The following AUTS2 variants were observed in gnomAD, a reference collection of about 807,000 sequenced individuals.
AUTS2 encodes autism susceptibility gene 2 protein.
Under a neutral mutation model 112.4 loss-of-function variants are expected in AUTS2, and 17 were observed. The ratio of observed to expected loss-of-function variants is 0.15; its 90% confidence interval spans 0.10 to 0.23. The LOEUF (loss-of-function observed/expected upper bound fraction) is 0.23. Among genes scored for constraint, AUTS2 ranks in the 10% least tolerant of loss-of-function variants. The pLI, the probability that AUTS2 is intolerant of heterozygous loss-of-function variation, is 1.00. For missense variants in AUTS2, 1,510 were observed against 1,701.6 expected, an observed-to-expected ratio of 0.89 and a Z score of 1.98; for synonymous variants, 751 against 702.7, an observed-to-expected ratio of 1.07 and a Z score of -1.09.
chr7:70,188,494 A>G (rs529997083), intron 4 of AUTS2, among the ~76,000 whole-genome samples: 2 of 152,334 alleles, frequency 1.3e-5, no homozygotes, highest in East Asian at 3.9e-4. Flanking sequence ...GATGGTCTTT[A>G]GTCAGTGGAA....
intron 6 of AUTS2, among the ~76,000 whole-genome samples, chr7:70,714,931 G>C (rs1317729501): frequency 6.6e-6 from 1 of 152,198 alleles, no homozygotes; most frequent in Non-Finnish European, 1.5e-5. Flanking sequence ...CCTGATACTT[G>C]CATTGGCATG....
intron 4 of AUTS2, among the ~76,000 whole-genome samples, chr7:70,252,403 G>C (rs547810129): frequency 4.6e-5 from 7 of 152,196 alleles, no homozygotes; most frequent in African/African-American, 1.7e-4. Flanking sequence ...GCCTTCTTTG[G>C]AGAAGTATCT....
chr7:70,123,411 G>C (rs1163860556), intron 3 of AUTS2, among the ~76,000 whole-genome samples: 1 of 152,028 alleles, frequency 6.6e-6, no homozygotes, highest in Non-Finnish European at 1.5e-5. Flanking sequence ...TCACCCAGTA[G>C]TACCCAATAG....
At chr7:70,526,317 T>G (rs1350240277) in intron 5 of AUTS2, among the ~76,000 whole-genome samples, 1 of 152,212 alleles carries the variant, frequency 6.6e-6, no homozygotes, top group Non-Finnish European at 1.5e-5. Flanking sequence ...TTATTCTTCC[T>G]GAAGAGTCCT....
chr7:70,790,915 T>A lies in AUTS2; in HGVS notation c.3699T>A (p.Ser1233=), dbSNP rs749831311. Residue 1233 remains serine, a synonymous_variant, in exon 19 of 19, where the codon TCT becomes TCA. Transcript: ENST00000342771. This position sits in a 1 kb window ranked among gnomAD's most constrained non-coding sequence, Gnocchi z 7.6. ...LISTLGGRPV[S]PRRTTPLSAE... ...CCACGCTGGGGGGCCGCCCGGTCTC[T>A]CCCAGAAGGACGACTCCTCTGTCCG... is the stretch of plus-strand genomic sequence containing the variant. The A allele has an allele frequency of 1.3e-6, 2 of 1,574,870 alleles. No homozygotes were observed. The highest frequency in any genetic ancestry group is 2.4e-5 in the South Asian group (2 of 83,786).
chr7:69,663,724 G>A (rs903736920), intron 1 of AUTS2, among the ~76,000 whole-genome samples: 2 of 152,168 alleles, frequency 1.3e-5, no homozygotes, highest in African/African-American at 4.8e-5. Context: ...AGCTTAGTAT[G>A]CTTTCTGTGG....
intron 1 of AUTS2, among the ~76,000 whole-genome samples, chr7:69,727,292 GA>G (rs1005624989): frequency 3.3e-5 from 5 of 152,254 alleles, no homozygotes; most frequent in African/African-American, 4.8e-5. Context: ...CACCTCCGTT[GA>G]AAATCAGTTG....
intron 1 of AUTS2, among the ~76,000 whole-genome samples, chr7:69,641,879 G>A (rs1280488409): frequency 6.6e-6 from 1 of 152,202 alleles, no homozygotes; most frequent in Non-Finnish European, 1.5e-5. Context: ...GAAGCCCAAG[G>A]TCAGGATATT....
intron 4 of AUTS2, among the ~76,000 whole-genome samples, chr7:70,356,150 C>T (rs1045318596): frequency 3.9e-5 from 6 of 152,204 alleles, no homozygotes; most frequent in Non-Finnish European, 7.3e-5. Flanking sequence ...TCCTCTGGGA[C>T]CCTGCTACAG....
At chr7:70,440,285 A>G (rs1198489973) in intron 5 of AUTS2, among the ~76,000 whole-genome samples, 1 of 151,578 alleles carries the variant, frequency 6.6e-6, no homozygotes, top group South Asian at 2.1e-4. Context: ...GCATGTGCCT[A>G]TAGTCCCAGC....
intron 1 of AUTS2, among the ~76,000 whole-genome samples, chr7:69,839,629 A>G (rs1248486958): frequency 6.6e-6 from 1 of 152,118 alleles, no homozygotes; most frequent in African/African-American, 2.4e-5. Context: ...AAAACCCAAG[A>G]TCTCCCCCCA....
chr7:69,693,959 A>G (rs1797451365), intron 1 of AUTS2, among the ~76,000 whole-genome samples: 1 of 152,182 alleles, frequency 6.6e-6, no homozygotes, highest in South Asian at 2.1e-4. Flanking sequence ...GGGAACCACT[A>G]CTGTGGTCTT....
intron 6 of AUTS2, among the ~76,000 whole-genome samples, chr7:70,702,415 G>C (rs560907999): frequency 6.6e-6 from 1 of 152,212 alleles, no homozygotes; most frequent in Non-Finnish European, 1.5e-5. Context: ...GACAAGTCAA[G>C]ACAACTCATA....
At chr7:70,358,217 G>A (rs892042328) in intron 4 of AUTS2, among the ~76,000 whole-genome samples, 1 of 152,170 alleles carries the variant, frequency 6.6e-6, no homozygotes, top group Admixed American at 6.5e-5. Context: ...CTTTTCTCTT[G>A]TTGATCTAGA....
rs182005358 is a variant in AUTS2, at chr7:70,085,091, G to T, written c.523-33041G>T. Among the ~76,000 whole-genome samples, 17 of 152,220 alleles carry T rather than the reference G, an allele frequency of 1.1e-4. No homozygotes were observed. The East Asian group carries it at 3.3e-3, about 29-fold the overall frequency. On this transcript the variant is annotated intron_variant, in intron 2 of 18. Coordinates refer to ENST00000342771, the MANE Select transcript of AUTS2 (RefSeq NM_015570.4). ...AGGGTTTCACCGTGTTGCCGTGGCT[G>T]TTCTCGAACTTCTGAGCTCAATCAA...
At chr7:70,501,849 C>A (rs1294689032) in intron 5 of AUTS2, among the ~76,000 whole-genome samples, 1 of 152,134 alleles carries the variant, frequency 6.6e-6, no homozygotes, top group Non-Finnish European at 1.5e-5. Context: ...TTTCCCCCTA[C>A]CCCAGCAACC....
chr7:69,939,657 A>G (rs574254831), intron 2 of AUTS2, among the ~76,000 whole-genome samples: 1 of 152,298 alleles, frequency 6.6e-6, no homozygotes, highest in South Asian at 2.1e-4. Flanking sequence ...ACTCTTGTTA[A>G]CCCTTTCACT....
At chr7:70,209,234 G>A (rs1044020861) in intron 4 of AUTS2, among the ~76,000 whole-genome samples, 11 of 152,190 alleles carry the variant, frequency 7.2e-5, no homozygotes, top group African/African-American at 2.4e-4. Context: ...GAGGAAGCAA[G>A]GATGACTTCC....
intron 4 of AUTS2, among the ~76,000 whole-genome samples, chr7:70,266,295 G>T (rs548042091): frequency 6.6e-6 from 1 of 152,078 alleles, no homozygotes; most frequent in East Asian, 1.9e-4. Context: ...GACACCAAAC[G>T]GCACATACTG....
Sources: gnomAD v4.1 joint callset for allele counts (sites outside exome capture counted in the v4.1 genomes callset) on GRCh38, gnomAD v4.1.1 for gene constraint, Gnocchi (gnomAD v3.1) non-coding constraint, MANE v1.5 for transcripts, NCBI Gene and HGNC (gene_info 2026-07-23, HGNC 2026-07-21) for gene names.